Variants in SPTBN5 observed in about 807,000 individuals in gnomAD.
SPTBN5 encodes the protein spectrin beta chain, non-erythrocytic 5.
In SPTBN5, 513 loss-of-function variants were observed where a neutral mutation model predicts 477.6. The ratio of observed to expected loss-of-function variants is 1.07; its 90% CI spans 1.00 to 1.16. The LOEUF is 1.16. SPTBN5 is among the 50% of genes most tolerant of loss of function. The probability of loss-of-function intolerance (pLI) is 0.00; values close to 1 mark genes in which losing one functional copy is unlikely to be tolerated. For synonymous variants in SPTBN5, 2,169 were observed against 2,011.7 expected, an observed-to-expected ratio of 1.08 and a Z score of -2.09; for missense variants, 5,062 against 4,731.8, an observed-to-expected ratio of 1.07 and a Z score of -2.05.
intron 41 of SPTBN5, among the ~76,000 whole-genome samples, chr15:41,863,297 T>A (rs1163924117): frequency 6.6e-6 from 1 of 152,236 alleles, no homozygotes; most frequent in African/African-American, 2.4e-5. Flanking sequence ...AAGGGCTTCC[T>A]AGACCGGGTT....
rs1440804681 is a variant in SPTBN5, at chr15:41,855,205, T to C, written c.9423+19A>G. The C allele has an allele frequency of 2.5e-6, 4 of 1,597,576 alleles. No homozygotes were observed. The highest frequency in any genetic ancestry group is 1.7e-5 in the Admixed American group (1 of 59,452). ...AGCCTCTGCCCACTCCCCGTGAGGT[T>C]TGCTCAGGAGTAACTCACCTTGACA... On this transcript the variant is annotated intron_variant, in intron 55 of 67. Transcript: ENST00000320955.
Position 41,852,869 on chromosome 15 carries a change from G to C in SPTBN5, c.10302C>G (p.Ala3434=). 1 of 1,608,482 alleles carries C rather than the reference G, an allele frequency of 6.2e-7. No homozygotes were observed. Among genetic ancestry groups the C allele is most frequent in the Non-Finnish European group, 8.5e-7 (1 of 1,176,854 alleles). ...KLRQRLEQAE[A]WLACWEGLLL... ...GGAGTCCCTCCCAGCAGGCCAGCCA[G>C]GCCTCAGCCTGCTCCAGCCTCTGCC... Residue 3434 remains alanine (A), a synonymous_variant, in exon 60 of 68, where the codon GCC becomes GCG. Coordinates refer to ENST00000320955, the MANE Select transcript of SPTBN5 (RefSeq NM_016642.4).
Position 41,882,122 on chromosome 15 carries a change from C to G in SPTBN5, c.2271G>C (p.Ala757=). The G allele has an allele frequency of 6.4e-7, 1 of 1,573,108 alleles. No individual in the cohort carries two copies. The highest frequency in any genetic ancestry group is 8.5e-7 in the Non-Finnish European group (1 of 1,170,616). Residue 757 remains alanine, a synonymous_variant, in exon 12 of 68, where the codon GCG becomes GCC. Coordinates refer to ENST00000320955, the MANE Select transcript of SPTBN5 (RefSeq NM_016642.4). The part of the protein sequence containing the change: ...VLQYFADAAE[A]ASWLRERRSS... ...ATCGCCGCTCGCGCAGCCACGAAGC[C>G]GCCTCCGCCGCGTCCGCGAAGTACT...
rs764561216 is a variant in SPTBN5 at position 41,882,491 on chromosome 15, G to C, written c.2047-22C>G. The C allele has an allele frequency of 5.1e-6, 8 of 1,561,604 alleles. No homozygotes were observed. In the Middle Eastern group the frequency reaches 1.0e-3, roughly 194 times the overall value. ...GGGCCTAGCGGGGGGCAGAGCAGGGGGCTCAGTGAAGGCAGAACAGGGGAG... is the reference window on the plus strand; with the variant it reads ...GGGCCTAGCGGGGGGCAGAGCAGGGCGCTCAGTGAAGGCAGAACAGGGGAG... On this transcript the variant is annotated intron_variant, in intron 10 of 67. Coordinates refer to ENST00000320955, the MANE Select transcript of SPTBN5 (RefSeq NM_016642.4).
intron 61 of SPTBN5, 33 bp downstream of exon 61, chr15:41,852,601 C>T: frequency 3.8e-6 from 6 of 1,594,912 alleles, no homozygotes; most frequent in Non-Finnish European, 4.3e-6. Flanking sequence ...GTTCCCCCAC[C>T]AGCCCTCAGC....
rs779652852 is a variant in SPTBN5, at chr15:41,892,956, C to T, written c.322G>A (p.Gly108Ser). The T allele has an allele frequency of 3.1e-6, 5 of 1,609,192 alleles. No homozygotes were observed. The highest frequency in any genetic ancestry group is 4.2e-6 in the Non-Finnish European group (5 of 1,179,752). Residue 108 changes from glycine (G) to serine (S), a missense_variant, in exon 3 of 68, where the codon GGC becomes AGC. By Grantham distance (56) the Gly-to-Ser change is moderately conservative. Coordinates refer to ENST00000320955, the MANE Select transcript of SPTBN5 (RefSeq NM_016642.4). ...TCCAGGAAGTGCACACGCAGGCGGCCCCGGCTCGGGGGTGGCAGGGCCTCC... is the reference window on the plus strand; with the variant it reads ...TCCAGGAAGTGCACACGCAGGCGGCTCCGGCTCGGGGGTGGCAGGGCCTCC... Reference protein sequence around the residue: ...SGEALPPPSRGRLRVHFLENS... With the variant: ...SGEALPPPSRSRLRVHFLENS...
In SPTBN5 at chr15:41,876,846, C is replaced by T. The variant is rs374105901; in HGVS notation, c.3814G>A (p.Glu1272Lys). Residue 1272 changes from glutamate to lysine, a missense_variant, in exon 19 of 68, where the codon GAG (glutamate) becomes AAG (lysine). Coordinates refer to ENST00000320955, the MANE Select transcript of SPTBN5 (RefSeq NM_016642.4). ...PRAEALRAHG[E>K]KLVQSQHPAA... ...GGGTGCTGGCTCTGAACCAGCTTCTCGCCGTGTGCCCGCAGAGCCTCTGCC... is the reference window on the plus strand; with the variant it reads ...GGGTGCTGGCTCTGAACCAGCTTCTTGCCGTGTGCCCGCAGAGCCTCTGCC... The T allele has an allele frequency of 2.1e-5, 34 of 1,610,362 alleles. No homozygotes were observed. Among genetic ancestry groups the T allele is most frequent in the African/African-American group, 5.3e-5 (4 of 74,870 alleles).
At position 41,879,443 on chromosome 15, in the gene SPTBN5, A is replaced by C; in HGVS notation, c.2999T>G (p.Val1000Gly). 6.2e-7 allele frequency: 1 copy of C among 1,606,618 alleles called. No homozygotes were observed. The highest frequency in any genetic ancestry group is 8.5e-7 in the Non-Finnish European group (1 of 1,177,918). ...CTCCTGCAGAAAACTGCACACTTCC[A>C]CACTGTGTGCCAGCTGCACGGCCTT... The part of the protein sequence containing the change: ...REKAVQLAHS[V>G]EVCSFLQECG... Residue 1000 changes from valine to glycine, a missense_variant, in exon 16 of 68, where the codon GTG becomes GGG. Coordinates refer to ENST00000320955, the MANE Select transcript of SPTBN5 (RefSeq NM_016642.4).
At chr15:41,877,380 G>A (rs1289982231) in intron 17 of SPTBN5, 24 bp from the exon 18 acceptor site, 2 of 1,597,548 alleles carry the variant, frequency 1.3e-6, no homozygotes, top group Non-Finnish European at 8.5e-7. Flanking sequence ...CAGGCAGAGA[G>A]TCAAACCCCA....
chr15:41,876,349 C>A, intron 20 of SPTBN5, 65 bp from the exon 21 acceptor site: 2 of 1,474,768 alleles, frequency 1.4e-6, no homozygotes, highest in Non-Finnish European at 9.0e-7. Context: ...CCTAGCCCTG[C>A]ATCTGAGGGT....
Position 41,876,914 on chromosome 15 carries a change from T to C in SPTBN5, c.3746A>G (p.Gln1249Arg). The change falls in exon 19 of 68, where the codon CAG (glutamine) becomes CGG (arginine). Residue 1249 changes from glutamine to arginine, a missense_variant. Physicochemically the swap from Gln to Arg is conservative, Grantham distance 43 (BLOSUM62 1). Transcript: ENST00000320955. Reference protein sequence around the residue: ...DVREALSLLQQHREFGRLLST... With the variant: ...DVREALSLLQRHREFGRLLST... ...CAGGAGCCGCCCAAACTCCCGGTGC[T>C]GCTGCAGCAGGCTCAGGGCCTCCCT... The C allele has an allele frequency of 6.2e-7, 1 of 1,610,252 alleles. No individual in the cohort carries two copies. Among genetic ancestry groups the C allele is most frequent in the Non-Finnish European group, 8.5e-7 (1 of 1,179,566 alleles).
rs2067122323 is a variant in SPTBN5 at position 41,885,606 on chromosome 15, G to A, written c.1520+129C>T. 7 of 1,163,270 alleles carry A rather than the reference G, an allele frequency of 6.0e-6. 1 individual carries two copies. The South Asian group carries it at 9.6e-5, about 16-fold the overall frequency. The allele number at this position is 1,163,270 out of a possible 1,614,324, so 72.1% of individuals were successfully genotyped here. ...CATCACTGGGAGATAGATCTTTGTAGAGGGATCCCTGAACCCATAAATCAT... is the reference window on the plus strand; with the variant it reads ...CATCACTGGGAGATAGATCTTTGTAAAGGGATCCCTGAACCCATAAATCAT... On this transcript the variant is annotated intron_variant, in intron 7 of 67. Coordinates refer to ENST00000320955, the MANE Select transcript of SPTBN5 (RefSeq NM_016642.4).
chr15:41,868,382 A>AG lies in SPTBN5; in HGVS notation c.6057+15dup. On this transcript the variant is annotated intron_variant, in intron 33 of 67. Coordinates refer to ENST00000320955, the MANE Select transcript of SPTBN5 (RefSeq NM_016642.4). ...GTCAGCTAGGGTATGTGGGGGCACCAGGGGAGGGGGCCCACCTCCTTGGTG... is the reference window on the plus strand; with the variant it reads ...GTCAGCTAGGGTATGTGGGGGCACCAGGGGGAGGGGGCCCACCTCCTTGGTG... 7 of 1,593,166 alleles carry AG rather than the reference A, an allele frequency of 4.4e-6. No homozygotes were observed. Among genetic ancestry groups the AG allele is most frequent in the Non-Finnish European group, 6.0e-6 (7 of 1,168,552 alleles).
chr15:41,857,184 G>A, intron 51 of SPTBN5, 54 bp downstream of exon 51: 1 of 1,545,656 alleles, frequency 6.5e-7, no homozygotes, highest in Non-Finnish European at 8.7e-7. Flanking sequence ...GGGCAGGGGT[G>A]GGGGTCCCTC....
intron 30 of SPTBN5, 39 bp from the exon 31 acceptor site, chr15:41,870,392 C>A (rs530912654): frequency 1.2e-6 from 2 of 1,604,032 alleles, no homozygotes; most frequent in Non-Finnish European, 1.7e-6. Flanking sequence ...AGGGATGGAG[C>A]GTGGGCACTG....
rs760302115 is a variant in SPTBN5 at position 41,873,883 on chromosome 15, G to A, written c.4852C>T (p.Arg1618Trp). 4.1e-5 allele frequency: 66 copies of A among 1,611,170 alleles called. No individual in the cohort carries two copies. Among genetic ancestry groups the A allele is most frequent in the African/African-American group, 5.3e-5 (4 of 74,922 alleles). The change falls in exon 25 of 68, where the codon CGG becomes TGG. Residue 1618 changes from arginine (R) to tryptophan (W), a missense_variant. Arg to Trp is a moderately radical substitution (Grantham distance 101). Transcript: ENST00000320955. ...ACAGCCTGCTGCAGACACTGGGCCCGCGCTTCACATGCCCTCTCCAGCTCT... is the reference window on the plus strand; with the variant it reads ...ACAGCCTGCTGCAGACACTGGGCCCACGCTTCACATGCCCTCTCCAGCTCT... The part of the protein sequence containing the change: ...WAELERACEA[R>W]AQCLQQAVTF...
intron 6 of SPTBN5, 139 bp downstream of exon 6, chr15:41,887,074 T>A (rs1219082014): frequency 1.3e-6 from 1 of 746,502 alleles, no homozygotes; most frequent in African/African-American, 1.7e-5. Flanking sequence ...CATCATCATC[T>A]CCATGTGATA....
At position 41,874,447 on chromosome 15, in the gene SPTBN5, G is replaced by A. The variant is rs61753617; in HGVS notation, c.4534C>T (p.Arg1512Trp). Reference sequence around the variant, plus strand: ...ACTGAGGCCTGCAGCTGCAGGCCCCGGATGGCCAGATGCCCCTGCAGAAGC... The same window carrying A: ...ACTGAGGCCTGCAGCTGCAGGCCCCAGATGGCCAGATGCCCCTGCAGAAGC... Reference protein sequence around the residue: ...LELLQGHLAIRGLQLQASVEL... With the variant: ...LELLQGHLAIWGLQLQASVEL... Residue 1512 changes from arginine to tryptophan, a missense_variant, in exon 24 of 68, where the codon CGG becomes TGG. Physicochemically the swap from Arg to Trp is moderately radical, Grantham distance 101 (BLOSUM62 -3). Transcript: ENST00000320955. The A allele has an allele frequency of 2.0e-5, 33 of 1,611,204 alleles. No individual in the cohort carries two copies. The highest frequency in any genetic ancestry group is 6.6e-5 in the South Asian group (6 of 90,954).
In SPTBN5 at chr15:41,857,474, G is replaced by A; in HGVS notation, c.8385C>T (p.Ser2795=). The change falls in exon 51 of 68, where the codon AGC becomes AGT. Residue 2795 remains serine (S), a synonymous_variant. Transcript: ENST00000320955. ...CCAGCCAGTTCTCCAGTTCCTCCATGCTCCGCCGCAGACGCAGGGCCTAGG... is the reference window on the plus strand; with the variant it reads ...CCAGCCAGTTCTCCAGTTCCTCCATACTCCGCCGCAGACGCAGGGCCTAGG... ...KACEALRLRR[S]MEELENWLEP... 1 of 1,608,494 alleles carries A rather than the reference G, an allele frequency of 6.2e-7. No homozygotes were observed. The highest frequency in any genetic ancestry group is 8.5e-7 in the Non-Finnish European group (1 of 1,176,778).
Sources: allele counts gnomAD v4.1 joint callset (sites outside exome capture counted in the v4.1 genomes callset), GRCh38; gene constraint gnomAD v4.1.1; transcripts MANE v1.5; gene names NCBI Gene and HGNC (gene_info 2026-07-23, HGNC 2026-07-21).